The following MAPK10 variants were observed in gnomAD, a reference collection of about 807,000 sequenced individuals.
MAPK10 encodes the protein mitogen-activated protein kinase 10.
A neutral mutation model predicts 59.3 loss-of-function variants in MAPK10; 25 were observed. That is an observed-to-expected ratio of 0.42 (90% CI 0.31 to 0.59). The LOEUF (loss-of-function observed/expected upper bound fraction) is 0.59. Among genes scored for constraint, MAPK10 ranks in the 20% least tolerant of loss-of-function variants. The pLI is 0.15. For synonymous variants in MAPK10, 190 were observed against 200.5 expected, an observed-to-expected ratio of 0.95 and a Z score of 0.44; for missense variants, 351 against 568.9, an observed-to-expected ratio of 0.62 and a Z score of 3.90.
Position 86,254,904 on chromosome 4 carries a change from C to T in MAPK10, c.-6-60497G>A, listed in dbSNP as rs547409680. 2.6e-4 allele frequency among the ~76,000 whole-genome samples: 40 copies of T among 152,084 alleles called. No homozygotes were observed. The East Asian group carries it at 5.2e-3, about 20-fold the overall frequency. On this transcript the variant is annotated intron_variant, in intron 2 of 13. Transcript: ENST00000641462. Reference sequence around the variant, plus strand: ...GTAAGTATTCTCGGAAATACCAAAACGCTTGCTCTGATCACACTTATTTTT... The same window carrying T: ...GTAAGTATTCTCGGAAATACCAAAATGCTTGCTCTGATCACACTTATTTTT...
At chr4:86,281,985 T>G (rs974270237) in intron 2 of MAPK10, among the ~76,000 whole-genome samples, 5 of 152,160 alleles carry the variant, frequency 3.3e-5, no homozygotes, top group African/African-American at 1.2e-4. Flanking sequence ...GCCATGGCTA[T>G]CTTTGTGTTT....
chr4:86,190,143 G>A (rs1204472570), intron 3 of MAPK10, among the ~76,000 whole-genome samples: 1 of 152,112 alleles, frequency 6.6e-6, no homozygotes, highest in Non-Finnish European at 1.5e-5. Flanking sequence ...GCTGGATTTG[G>A]TTTGTCAGTA....
chr4:86,213,806 C>A (rs1210103340), intron 2 of MAPK10, among the ~76,000 whole-genome samples: 1 of 152,056 alleles, frequency 6.6e-6, no homozygotes, highest in Non-Finnish European at 1.5e-5. Context: ...GAAGAACTAA[C>A]TCCAATTATT....
intron 1 of MAPK10, among the ~76,000 whole-genome samples, chr4:86,437,372 A>C (rs1748891430): frequency 1.3e-5 from 2 of 152,268 alleles, no homozygotes; most frequent in South Asian, 4.2e-4. Flanking sequence ...TATTTAGATA[A>C]CTAAATGATT....
intron 8 of MAPK10, chr4:86,099,333 T>C (rs1348833377): frequency 1.3e-5 from 2 of 152,248 alleles, no homozygotes; most frequent in Non-Finnish European, 2.9e-5. Context: ...AATTGTTATG[T>C]ACATATATTT....
intron 9 of MAPK10, chr4:86,080,321 A>C (rs2050377123): frequency 6.6e-6 from 1 of 151,920 alleles, no homozygotes; most frequent in African/African-American, 2.4e-5. Context: ...CCAAAAAAAA[A>C]AATCCCAAAT....
At chr4:86,036,341 A>AT (rs2040291808) in intron 11 of MAPK10, among the ~76,000 whole-genome samples, 2 of 152,140 alleles carry the variant, frequency 1.3e-5, no homozygotes, top group Middle Eastern at 3.2e-3. Context: ...CACCAATATA[A>AT]TTAAAAGGAA....
chr4:86,461,347 G>A (rs1027459367), intron 1 of MAPK10, among the ~76,000 whole-genome samples: 1 of 152,142 alleles, frequency 6.6e-6, no homozygotes, highest in Admixed American at 6.5e-5. Flanking sequence ...GGTCTGGAGG[G>A]GCTCCAAGTC....
intron 1 of MAPK10, among the ~76,000 whole-genome samples, chr4:86,571,106 C>T (rs1761410198): frequency 2.0e-5 from 3 of 150,700 alleles, no homozygotes; most frequent in Non-Finnish European, 1.5e-5. Flanking sequence ...CTTTCAGGTT[C>T]TATTATCTCT....
chr4:86,140,475 T>C (rs531086098), intron 4 of MAPK10, among the ~76,000 whole-genome samples: 4 of 130,836 alleles, frequency 3.1e-5, no homozygotes, highest in Admixed American at 8.1e-5. Context: ...TGGGTGGGAA[T>C]TGAACAATGA....
intron 3 of MAPK10, chr4:86,192,634 G>T (rs1214084019): frequency 6.6e-6 from 1 of 151,862 alleles, no homozygotes; most frequent in East Asian, 1.9e-4. Context: ...GGTCATTTAT[G>T]TTCTTCTCTA....
At chr4:86,528,070 G>T (rs1043414664) in intron 1 of MAPK10, among the ~76,000 whole-genome samples, 10 of 152,120 alleles carry the variant, frequency 6.6e-5, no homozygotes, top group African/African-American at 2.4e-4. Context: ...CCTCGGTGAT[G>T]GGATCATTCG....
intron 10 of MAPK10, among the ~76,000 whole-genome samples, chr4:86,066,474 CT>C (rs1237908464): frequency 6.6e-6 from 1 of 152,034 alleles, no homozygotes; most frequent in Non-Finnish European, 1.5e-5. Flanking sequence ...TTAGAAAGGG[CT>C]GGGGTTAGCC....
intron 1 of MAPK10, among the ~76,000 whole-genome samples, chr4:86,547,491 C>T (rs1012497283): frequency 7.2e-5 from 11 of 152,324 alleles, no homozygotes; most frequent in Admixed American, 3.9e-4. Context: ...GTTGCCTTCC[C>T]GCAGGGCAGG....
intron 1 of MAPK10, among the ~76,000 whole-genome samples, chr4:86,466,264 A>G (rs1752191538): frequency 6.6e-6 from 1 of 152,224 alleles, no homozygotes; most frequent in Admixed American, 6.5e-5. Context: ...AACGATTCCT[A>G]TGGAATCATT....
chr4:86,516,596 A>G (rs549155596), intron 1 of MAPK10, among the ~76,000 whole-genome samples: 1 of 151,084 alleles, frequency 6.6e-6, no homozygotes, highest in South Asian at 2.1e-4. Flanking sequence ...AAGATCTTTC[A>G]CCTCTTTTGT....
intron 4 of MAPK10, among the ~76,000 whole-genome samples, chr4:86,144,077 G>A (rs2064256989): frequency 6.6e-6 from 1 of 151,836 alleles, no homozygotes; most frequent in Non-Finnish European, 1.5e-5. Context: ...CCAAATTACT[G>A]GTATCTTTTT....
intron 2 of MAPK10, among the ~76,000 whole-genome samples, chr4:86,347,410 A>T (rs1480098402): frequency 6.6e-6 from 1 of 152,190 alleles, no homozygotes; most frequent in Non-Finnish European, 1.5e-5. Context: ...AAGAGAAAGC[A>T]TTGAATTTGT....
chr4:86,060,659 T>C (rs1192413823), intron 11 of MAPK10, among the ~76,000 whole-genome samples: 1 of 152,072 alleles, frequency 6.6e-6, no homozygotes, highest in Admixed American at 6.6e-5. Flanking sequence ...TTAAACTGAG[T>C]TCCCCCCAAA....
Sources: gnomAD v4.1 joint callset for allele counts (sites outside exome capture counted in the v4.1 genomes callset) on GRCh38, gnomAD v4.1.1 for gene constraint, MANE v1.5 for transcripts, NCBI Gene and HGNC (gene_info 2026-07-23, HGNC 2026-07-21) for gene names.